The following CNTLN variants were observed in gnomAD, a reference collection of about 807,000 sequenced individuals.
The protein encoded by CNTLN is centlein, also known as centlein, centrosomal protein.
In CNTLN, 212 loss-of-function variants were observed where a neutral mutation model predicts 180.0. That is an observed-to-expected ratio of 1.18 (90% confidence interval 1.05 to 1.32). CNTLN has a LOEUF of 1.32. Ranked by LOEUF, CNTLN falls within the 40% of genes most tolerant of loss-of-function variation. CNTLN has a pLI of 0.00. For missense variants in CNTLN, 2,095 were observed against 1,610.9 expected (o/e 1.30, Z -5.14); for synonymous variants, 722 against 563.1 (o/e 1.28, Z -3.99).
chr9:17,477,969 A>G (rs1832441433), intron 23 of CNTLN, among the ~76,000 whole-genome samples: 1 of 152,198 alleles, frequency 6.6e-6, no homozygotes. Flanking sequence ...GGCAAGTTTC[A>G]CTGTTGTCTT....
chr9:17,309,575 G>A (rs974628473), intron 8 of CNTLN, among the ~76,000 whole-genome samples: 3 of 84,790 alleles, frequency 3.5e-5, no homozygotes, highest in African/African-American at 7.0e-5. Context: ...TGAGCTAATG[G>A]AATAGAAAGT....
At chr9:17,492,626 T>C (rs894483746) in intron 25 of CNTLN, among the ~76,000 whole-genome samples, 46 of 152,290 alleles carry the variant, frequency 3.0e-4, no homozygotes, top group African/African-American at 1.0e-3. Flanking sequence ...TACACTTGTA[T>C]GTTGCTAATG....
intron 6 of CNTLN, among the ~76,000 whole-genome samples, chr9:17,293,601 G>A (rs79901955): frequency 1.1e-4 from 16 of 152,170 alleles, no homozygotes; most frequent in African/African-American, 3.6e-4. Context: ...AATTCCATCT[G>A]GGTCCAAACC....
At chr9:17,224,792 G>A (rs2132074333) in intron 2 of CNTLN, among the ~76,000 whole-genome samples, 1 of 151,560 alleles carries the variant, frequency 6.6e-6, no homozygotes, top group South Asian at 2.1e-4. Context: ...CTTACTTATT[G>A]TAGTCTTTTT....
At chr9:17,381,589 A>G (rs1325874324) in intron 13 of CNTLN, among the ~76,000 whole-genome samples, 2 of 152,254 alleles carry the variant, frequency 1.3e-5, no homozygotes, top group African/African-American at 2.4e-5. Flanking sequence ...TCAGTGCCAC[A>G]TAATTTAGTC....
intron 3 of CNTLN, among the ~76,000 whole-genome samples, chr9:17,234,723 A>G (rs1825030523): frequency 6.6e-6 from 1 of 151,854 alleles, no homozygotes; most frequent in African/African-American, 2.4e-5. Flanking sequence ...TTCTTGGTTG[A>G]CAGACAGAAG....
rs775104282 is a variant in CNTLN at position 17,340,859 on chromosome 9, T to C, written c.1677T>C (p.His559=). Residue 559 remains histidine (H), a synonymous_variant, in exon 11 of 26, where the codon CAT becomes CAC. Transcript: ENST00000380647. ...SQENDELRDA[H]EKRKERLQML... is the part of the protein sequence containing the mutation. The stretch of plus-strand genomic sequence containing the variant: ...AAAATGATGAGCTAAGAGATGCCCA[T>C]GAAAAACGCAAGGAACGGCTACAGA... 2 of 1,611,756 alleles carry C rather than the reference T, an allele frequency of 1.2e-6. No individual in the cohort carries two copies. The highest frequency in any genetic ancestry group is 8.5e-7 in the Non-Finnish European group (1 of 1,178,776).
chr9:17,235,008 G>C (rs1825049660), intron 3 of CNTLN, among the ~76,000 whole-genome samples: 1 of 152,166 alleles, frequency 6.6e-6, no homozygotes, highest in African/African-American at 2.4e-5. Context: ...ACAGAGGAAA[G>C]ATCAGCAGCC....
At chr9:17,220,301 G>A (rs1824044345) in intron 2 of CNTLN, among the ~76,000 whole-genome samples, 1 of 151,932 alleles carries the variant, frequency 6.6e-6, no homozygotes, top group Non-Finnish European at 1.5e-5. Context: ...ACATAATCTA[G>A]TATTATCCGT....
At chr9:17,414,122 T>G (rs542948351) in intron 16 of CNTLN, among the ~76,000 whole-genome samples, 30 of 152,324 alleles carry the variant, frequency 2.0e-4, no homozygotes, top group African/African-American at 7.0e-4. Flanking sequence ...CTTTCTTGCC[T>G]TCTGCATTCT....
chr9:17,294,104 C>T (rs146179078), intron 6 of CNTLN, among the ~76,000 whole-genome samples: 16 of 152,084 alleles, frequency 1.1e-4, no homozygotes, highest in African/African-American at 2.9e-4. Context: ...TTCGTGGTCT[C>T]GCTGGCTTCA....
chr9:17,334,076 T>G (rs1348482418), intron 10 of CNTLN, among the ~76,000 whole-genome samples: 1 of 152,162 alleles, frequency 6.6e-6, no homozygotes, highest in Non-Finnish European at 1.5e-5. Context: ...TTTCTTTCCC[T>G]TGAGACAGAG....
intron 15 of CNTLN, among the ~76,000 whole-genome samples, chr9:17,400,435 C>G (rs541378082): frequency 6.6e-6 from 1 of 152,132 alleles, no homozygotes; most frequent in Admixed American, 6.5e-5. Flanking sequence ...CTGTGCCTGG[C>G]CAACTGTACC....
intron 25 of CNTLN, among the ~76,000 whole-genome samples, chr9:17,501,776 A>G (rs774206775): frequency 6.6e-6 from 1 of 152,238 alleles, no homozygotes; most frequent in Non-Finnish European, 1.5e-5. Flanking sequence ...ATGTGAGGCT[A>G]TGTAGCTGAG....
intron 13 of CNTLN, among the ~76,000 whole-genome samples, chr9:17,371,756 A>G (rs1383910241): frequency 6.6e-6 from 1 of 152,174 alleles, no homozygotes; most frequent in Admixed American, 6.5e-5. Flanking sequence ...TTGAAATAAT[A>G]TCAAGCATCT....
chr9:17,498,777 A>G (rs1478042823), intron 25 of CNTLN, among the ~76,000 whole-genome samples: 1 of 152,142 alleles, frequency 6.6e-6, no homozygotes, highest in Non-Finnish European at 1.5e-5. Flanking sequence ...ATACCATCTG[A>G]GATGAAACCC....
At chr9:17,308,543 C>T (rs886735921) in intron 7 of CNTLN, among the ~76,000 whole-genome samples, 1 of 152,042 alleles carries the variant, frequency 6.6e-6, no homozygotes, top group Admixed American at 6.5e-5. Flanking sequence ...TGTTTTCTTT[C>T]AAATGTATAT....
intron 2 of CNTLN, among the ~76,000 whole-genome samples, chr9:17,206,283 G>C (rs530906102): frequency 2.6e-5 from 4 of 152,260 alleles, no homozygotes; most frequent in African/African-American, 7.2e-5. Flanking sequence ...CAGCACCCTT[G>C]TTACTTAAAT....
rs1300638649 is a variant in CNTLN at position 17,436,175 on chromosome 9, C to T, written c.3114+19986C>T. ...ATTTGATAAATATTACATATTTTCT[C>T]AATATTCATAGAAAACATTATATAC... On this transcript the variant is annotated intron_variant, in intron 18 of 25. Coordinates refer to ENST00000380647, the MANE Select transcript of CNTLN (RefSeq NM_017738.4). Among the ~76,000 whole-genome samples, 4 of 152,082 alleles carry T rather than the reference C, an allele frequency of 2.6e-5. No homozygotes were observed. In the East Asian group the frequency reaches 7.7e-4, roughly 29 times the overall value.
Sources: allele counts gnomAD v4.1 joint callset (sites outside exome capture counted in the v4.1 genomes callset), GRCh38; gene constraint gnomAD v4.1.1; transcripts MANE v1.5; gene names NCBI Gene and HGNC (gene_info 2026-07-23, HGNC 2026-07-21).